DNAJC15: variants seen among roughly 807,000 people sequenced by gnomAD.
DNAJC15 encodes the protein DnaJ heat shock protein family (Hsp40) member C15.
In DNAJC15, 27 loss-of-function variants were observed where a neutral mutation model predicts 22.4. That is an observed-to-expected ratio of 1.20 (90% CI 0.89 to 1.66). The LOEUF is 1.66. Ranked by LOEUF, DNAJC15 falls within the 40% of genes most tolerant of loss-of-function variation. The pLI is 0.00. For synonymous variants in DNAJC15, 79 were observed against 63.2 expected (o/e 1.25, Z -1.19); for missense variants, 208 against 187.1 (o/e 1.11, Z -0.65).
At position 43,107,192 on chromosome 13, in the gene DNAJC15, G is replaced by C; in HGVS notation, c.397G>C (p.Val133Leu). ...NHPDKGGSPY[V>L]AAKINEAKDL... ...TGTTCTCTCAGGTGGATCTCCTTAC[G>C]TAGCAGCCAAAATAAATGAAGCAAA... The change falls in exon 6 of 6, where the codon GTA becomes CTA. Residue 133 changes from valine to leucine, a missense_variant. Physicochemically the swap from Val to Leu is conservative, Grantham distance 32 (BLOSUM62 1). Transcript: ENST00000379221. 6.3e-7 allele frequency: 1 copy of C among 1,585,758 alleles called. No individual in the cohort carries two copies. The highest frequency in any genetic ancestry group is 8.6e-7 in the Non-Finnish European group (1 of 1,167,980).
chr13:43,034,267 T>A (rs1253688884), intron 1 of DNAJC15, among the ~76,000 whole-genome samples: 3 of 149,588 alleles, frequency 2.0e-5, no homozygotes, highest in African/African-American at 7.4e-5. Context: ...GAGTAATCTG[T>A]CAGATTATTT....
chr13:43,031,946 A>G (rs149104379), intron 1 of DNAJC15, among the ~76,000 whole-genome samples: 1 of 152,256 alleles, frequency 6.6e-6, no homozygotes, highest in Non-Finnish European at 1.5e-5. Context: ...GGAGTTGTTG[A>G]GAAATGAAAC....
intron 1 of DNAJC15, among the ~76,000 whole-genome samples, chr13:43,039,918 C>G (rs1379348649): frequency 1.3e-5 from 2 of 152,104 alleles, no homozygotes; most frequent in Non-Finnish European, 2.9e-5. Context: ...ACTCGGGAAG[C>G]TGAGACAGGA....
At chr13:43,083,256 C>A (rs531927505) in intron 4 of DNAJC15, among the ~76,000 whole-genome samples, 28 of 152,158 alleles carry the variant, frequency 1.8e-4, no homozygotes, top group African/African-American at 6.5e-4. Flanking sequence ...CAAGCTCCGC[C>A]TCCTGGGTTC....
chr13:43,029,064 A>T (rs2040393170), intron 1 of DNAJC15, among the ~76,000 whole-genome samples: 1 of 152,230 alleles, frequency 6.6e-6, no homozygotes, highest in Admixed American at 6.5e-5. Flanking sequence ...GAGCAACTTA[A>T]TAAATAAACA....
chr13:43,055,557 A>T (rs1294024640), intron 1 of DNAJC15, among the ~76,000 whole-genome samples: 1 of 152,164 alleles, frequency 6.6e-6, no homozygotes, highest in Non-Finnish European at 1.5e-5. Flanking sequence ...TTTACCCCAG[A>T]CAACGAGGCT....
chr13:43,096,979 A>G (rs2040742709), intron 5 of DNAJC15, among the ~76,000 whole-genome samples: 1 of 152,242 alleles, frequency 6.6e-6, no homozygotes, highest in African/African-American at 2.4e-5. Flanking sequence ...TACCCAGCTC[A>G]GAATAACCAC....
At chr13:43,041,639 G>GT (rs1261080812) in intron 1 of DNAJC15, among the ~76,000 whole-genome samples, 1 of 152,162 alleles carries the variant, frequency 6.6e-6, no homozygotes, top group Non-Finnish European at 1.5e-5. Flanking sequence ...TTCTCTCCCT[G>GT]TATCCTCACA....
In DNAJC15 at chr13:43,108,482, A is replaced by C. The variant is rs2040809081; in HGVS notation, c.*1234A>C. The stretch of plus-strand genomic sequence containing the variant: ...ATTGTTTCCCAGTATTCCTTTACAA[A>C]TCTTGGGTTCATTCCAGGTAAACTG... On this transcript the variant is annotated 3_prime_UTR_variant, in exon 6 of 6. Transcript: ENST00000379221. 1 of 152,174 alleles carries C rather than the reference A, an allele frequency of 6.6e-6. No homozygotes were observed. Among genetic ancestry groups the C allele is most frequent in the Admixed American group, 6.5e-5 (1 of 15,280 alleles). The allele number at this position is 152,174 out of a possible 1,614,324, so 9.4% of individuals were successfully genotyped here.
At chr13:43,099,747 A>G (rs188452930) in intron 5 of DNAJC15, among the ~76,000 whole-genome samples, 147 of 152,268 alleles carry the variant, frequency 9.7e-4, no homozygotes, top group African/African-American at 3.4e-3. Flanking sequence ...TGCAAGGTTT[A>G]TAATTCCTGC....
intron 3 of DNAJC15, among the ~76,000 whole-genome samples, chr13:43,072,492 T>C (rs1018470460): frequency 3.3e-5 from 5 of 152,160 alleles, no homozygotes; most frequent in Admixed American, 1.3e-4. Context: ...TTCTACAGTA[T>C]TTTCACAGCT....
At chr13:43,090,045 G>A (rs1257853289) in intron 5 of DNAJC15, among the ~76,000 whole-genome samples, 1 of 152,174 alleles carries the variant, frequency 6.6e-6, no homozygotes, top group Non-Finnish European at 1.5e-5. Context: ...ATTCTTAATG[G>A]ATTATAACCT....
At chr13:43,039,322 A>T (rs17553846) in intron 1 of DNAJC15, among the ~76,000 whole-genome samples, 25,426 of 152,248 alleles carry the variant, frequency 0.17, 2,743 homozygotes, top group Non-Finnish European at 0.24. Context: ...TGTCAACAAA[A>T]CATTCGTGGA....
chr13:43,083,085 T>G (rs1223478462), intron 4 of DNAJC15, among the ~76,000 whole-genome samples: 1 of 152,180 alleles, frequency 6.6e-6, no homozygotes, highest in Non-Finnish European at 1.5e-5. Context: ...TTTGTTATTT[T>G]AAGGAGTTTA....
chr13:43,039,125 T>A (rs1387004400), intron 1 of DNAJC15, among the ~76,000 whole-genome samples: 1 of 152,196 alleles, frequency 6.6e-6, no homozygotes. Flanking sequence ...GCATAAGCTC[T>A]GGTCTGGAAT....
chr13:43,042,505 TAA>T (rs1417055183), intron 1 of DNAJC15, among the ~76,000 whole-genome samples: 1 of 152,132 alleles, frequency 6.6e-6, no homozygotes, highest in Non-Finnish European at 1.5e-5. Flanking sequence ...AGGAGTGCAT[TAA>T]GAGTCAACTA....
At chr13:43,036,567 C>A (rs1034975621) in intron 1 of DNAJC15, among the ~76,000 whole-genome samples, 2 of 152,244 alleles carry the variant, frequency 1.3e-5, no homozygotes, top group Non-Finnish European at 2.9e-5. Context: ...GAACTGGCAG[C>A]CTGGCCCCTA....
intron 1 of DNAJC15, among the ~76,000 whole-genome samples, chr13:43,057,445 AGTT>A (rs1435531410): frequency 1.3e-5 from 2 of 152,010 alleles, no homozygotes; most frequent in Non-Finnish European, 1.5e-5. Context: ...CATTTCCAGA[AGTT>A]GTGATTGTTT....
intron 5 of DNAJC15, among the ~76,000 whole-genome samples, chr13:43,095,486 A>G (rs1257731654): frequency 6.6e-6 from 1 of 152,184 alleles, no homozygotes; most frequent in Admixed American, 6.6e-5. Context: ...AAATGACTCT[A>G]GAGTTCAGAG....
Sources: allele counts gnomAD v4.1 joint callset (sites outside exome capture counted in the v4.1 genomes callset), GRCh38; gene constraint gnomAD v4.1.1; transcripts MANE v1.5; gene names NCBI Gene and HGNC (gene_info 2026-07-23, HGNC 2026-07-21).